The following PMPCB variants were observed in gnomAD, a reference collection of about 807,000 sequenced individuals.
PMPCB encodes mitochondrial-processing peptidase subunit beta.
A neutral mutation model predicts 61.5 loss-of-function variants in PMPCB; 46 were observed. The ratio of observed to expected loss-of-function variants is 0.75; its 90% CI spans 0.59 to 0.96. PMPCB has a LOEUF of 0.96. PMPCB is among the 40% of genes least tolerant of loss of function. The probability of loss-of-function intolerance (pLI) is 0.00; values close to 1 mark genes in which losing one functional copy is unlikely to be tolerated. For missense variants in PMPCB, 590 were observed against 602.4 expected, an observed-to-expected ratio of 0.98 and a Z score of 0.22; for synonymous variants, 191 against 201.6, an observed-to-expected ratio of 0.95 and a Z score of 0.44.
intron 12 of PMPCB, chr7:103,326,617 G>C: frequency 6.3e-7 from 1 of 1,582,452 alleles, no homozygotes; most frequent in Non-Finnish European, 8.6e-7. Flanking sequence ...AAGGAACTGA[G>C]TTATCAAAAG....
chr7:103,310,194 G>A, intron 8 of PMPCB, 121 bp from the exon 9 acceptor site: 2 of 718,532 alleles, frequency 2.8e-6, no homozygotes, highest in East Asian at 2.7e-5. Flanking sequence ...CTACTGAGAT[G>A]TTGAATAAAA....
At chr7:103,317,069 ACT>A (rs1306599030), downstream of PMPCB, 29 of 1,466,402 alleles carry the variant, frequency 2.0e-5, no homozygotes, top group African/African-American at 2.9e-4. Flanking sequence ...GCTATTCTAC[ACT>A]CTCTTCCTGG....
chr7:103,342,573 G>T, the PMPCB span, among the ~76,000 whole-genome samples: 15,447 of 151,240 alleles, frequency 0.1, 1,049 homozygotes, highest in Non-Finnish European at 0.16. Flanking sequence ...CCAAAGTGTT[G>T]GCATTACAGG....
At chr7:103,335,938 T>C in the PMPCB span, 3,303 of 152,396 alleles carry the variant, frequency 0.022, 60 homozygotes, top group Admixed American at 0.035. Context: ...GAGGCCGATG[T>C]GGGTGGATCA....
rs1332131164 is a variant in PMPCB, at chr7:103,304,026, A to C, written c.642A>C (p.Pro214=). 1 of 1,609,592 alleles carries C rather than the reference A, an allele frequency of 6.2e-7. No individual in the cohort carries two copies. The highest frequency in any genetic ancestry group is 1.7e-5 in the Admixed American group (1 of 59,982). Residue 214 remains proline (P), a synonymous_variant, in exon 5 of 13, where the codon CCA becomes CCC. Transcript: ENST00000249269. ...NTALGRTILG[P]TENIKSISRK... ...CACTTGGACGGACAATTTTGGGACC[A>C]ACTGAAAATATCAAGTAGGTATAAC... is the stretch of plus-strand genomic sequence containing the variant.
In PMPCB at chr7:103,312,514, A is replaced by G; in HGVS notation, c.*243A>G. The G allele has an allele frequency of 7.6e-6, 12 of 1,584,240 alleles. No individual in the cohort carries two copies. Among genetic ancestry groups the G allele is most frequent in the Non-Finnish European group, 1.0e-5 (12 of 1,169,598 alleles). On this transcript the variant is annotated 3_prime_UTR_variant, in exon 13 of 13. Transcript: ENST00000249269. ...ACCATGAGTATAATTTTAAGAATGA[A>G]AATGTTTACAGTATTTTCAGTTTTA... is the stretch of plus-strand genomic sequence containing the variant.
the PMPCB span, chr7:103,335,347 C>T: frequency 6.6e-6 from 1 of 152,140 alleles, no homozygotes; most frequent in Admixed American, 6.5e-5. Context: ...TGAGTAGCAA[C>T]TGTGTTTTAC....
chr7:103,338,164 G>T, the PMPCB span, among the ~76,000 whole-genome samples: 1 of 152,044 alleles, frequency 6.6e-6, no homozygotes, highest in African/African-American at 2.4e-5. Flanking sequence ...CAGCTACTCA[G>T]GAGGCAGAAG....
chr7:103,322,059 G>C (rs769877689), intron 12 of PMPCB: 1 of 1,612,472 alleles, frequency 6.2e-7, no homozygotes, highest in Non-Finnish European at 8.5e-7. Context: ...TAACCGAGCA[G>C]CTTCTAATTC....
At chr7:103,346,047 T>G in the PMPCB span, among the ~76,000 whole-genome samples, 6 of 152,122 alleles carry the variant, frequency 3.9e-5, no homozygotes, top group African/African-American at 1.4e-4. Context: ...GTAACCTGAC[T>G]CCACTTTCTT....
Position 103,309,085 on chromosome 7 carries a change from G to A in PMPCB, c.983G>A (p.Gly328Glu). ...TLIGNWDRSF[G>E]GGMNLSSKLA... ...ATTGGCAACTGGGATCGCTCTTTTG[G>A]GGGAGGAATGGTAAGTGATTTTAAA... is the stretch of plus-strand genomic sequence containing the variant. Residue 328 changes from glycine (G) to glutamate (E), a missense_variant, in exon 8 of 13, where the codon GGG becomes GAG. Physicochemically the swap from Gly to Glu is moderately conservative, Grantham distance 98 (BLOSUM62 -2). Coordinates refer to ENST00000249269, the MANE Select transcript of PMPCB (RefSeq NM_004279.3). The A allele has an allele frequency of 1.3e-6, 2 of 1,596,984 alleles. No individual in the cohort carries two copies. The highest frequency in any genetic ancestry group is 8.5e-7 in the Non-Finnish European group (1 of 1,172,526).
downstream of PMPCB, chr7:103,317,160 G>A: frequency 5.8e-6 from 4 of 690,222 alleles, no homozygotes; most frequent in East Asian, 8.2e-5. Flanking sequence ...CCAAAAAGAA[G>A]CACCAGCTTT....
chr7:103,312,333 A>C lies in PMPCB; in HGVS notation c.*62A>C. On this transcript the variant is annotated 3_prime_UTR_variant, in exon 13 of 13. Coordinates refer to ENST00000249269, the MANE Select transcript of PMPCB (RefSeq NM_004279.3). ...TATAAAACAGAGCTAGAGAAAAATA[A>C]AAATGAACATGTATATACATTTGGA... is the stretch of plus-strand genomic sequence containing the variant. 1 of 1,594,884 alleles carries C rather than the reference A, an allele frequency of 6.3e-7. No homozygotes were observed. The highest frequency in any genetic ancestry group is 8.5e-7 in the Non-Finnish European group (1 of 1,176,818).
At chr7:103,328,584 T>G (rs1195641904) in intron 12 of PMPCB, among the ~76,000 whole-genome samples, 3 of 152,108 alleles carry the variant, frequency 2.0e-5, no homozygotes, top group African/African-American at 7.2e-5. Context: ...TGAGCTGAGA[T>G]GGCGCCACTG....
intron 7 of PMPCB, among the ~76,000 whole-genome samples, chr7:103,307,910 TTTTTG>T (rs1214084944): frequency 6.6e-6 from 1 of 152,234 alleles, no homozygotes; most frequent in Non-Finnish European, 1.5e-5. Flanking sequence ...AGCAAGGTTT[TTTTTG>T]TTTTGTTTTT....
At position 103,310,361 on chromosome 7, in the gene PMPCB, G is replaced by C; in HGVS notation, c.1040G>C (p.Cys347Ser). The C allele has an allele frequency of 6.2e-7, 1 of 1,613,576 alleles. No individual in the cohort carries two copies. Among genetic ancestry groups the C allele is most frequent in the South Asian group, 1.1e-5 (1 of 91,046 alleles). ...LAQLTCHGNL[C>S]HSFQSFNTSY... ...CAGCTCACTTGTCATGGCAATCTTTGCCATAGCTTTCAGTCTTTCAACACT... is the reference window on the plus strand; with the variant it reads ...CAGCTCACTTGTCATGGCAATCTTTCCCATAGCTTTCAGTCTTTCAACACT... Residue 347 changes from cysteine to serine, a missense_variant, in exon 9 of 13, where the codon TGC becomes TCC. Physicochemically the swap from Cys to Ser is moderately radical, Grantham distance 112 (BLOSUM62 -1). Transcript: ENST00000249269.
rs1817854362 is a variant in PMPCB, at chr7:103,313,195, A to G, written c.*924A>G. The G allele has an allele frequency of 2.7e-6, 4 of 1,472,156 alleles. No homozygotes were observed. The highest frequency in any genetic ancestry group is 3.6e-6 in the Non-Finnish European group (4 of 1,117,850). The allele number at this position is 1,472,156 out of a possible 1,614,324, so 91.2% of individuals were successfully genotyped here. A position where few individuals can be genotyped will look rare whatever the true frequency, so the allele number is the denominator to read the frequency against. The stretch of plus-strand genomic sequence containing the variant: ...AAGTATTCGCTAAGTGCCCATTTCA[A>G]TCTGGGATGTGTCATTTTGAAAATA... On this transcript the variant is annotated 3_prime_UTR_variant, in exon 13 of 13. Transcript: ENST00000249269.
chr7:103,337,896 T>C, the PMPCB span: 313 of 953,492 alleles, frequency 3.3e-4, no homozygotes, highest in Middle Eastern at 6.2e-4. Flanking sequence ...TAATAAGCAT[T>C]TCCCAAAGTG....
At chr7:103,316,009 C>T (rs1818032318), downstream of PMPCB, 3 of 1,598,994 alleles carry the variant, frequency 1.9e-6, no homozygotes, top group Non-Finnish European at 2.6e-6. Flanking sequence ...AGACTCTTTG[C>T]TTTGCCAATA....
Sources: gnomAD v4.1 joint callset for allele counts (sites outside exome capture counted in the v4.1 genomes callset) on GRCh38, gnomAD v4.1.1 for gene constraint, MANE v1.5 for transcripts, NCBI Gene and HGNC (gene_info 2026-07-23, HGNC 2026-07-21) for gene names.